ATG10: variants seen among roughly 807,000 people sequenced by gnomAD.
The protein encoded by ATG10 is autophagy related 10.
In ATG10, 30 loss-of-function variants were observed where a neutral mutation model predicts 32.1. The ratio of observed to expected loss-of-function variants is 0.94; its 90% CI spans 0.70 to 1.27. ATG10 has a LOEUF of 1.27. ATG10 is among the 50% of genes most tolerant of loss of function. ATG10 has a pLI of 0.00. For synonymous variants in ATG10, 87 were observed against 91.5 expected (o/e 0.95, Z 0.28); for missense variants, 233 against 262.3 (o/e 0.89, Z 0.77).
At chr5:82,036,833 A>G (rs904421882) in intron 2 of ATG10, among the ~76,000 whole-genome samples, 5 of 151,920 alleles carry the variant, frequency 3.3e-5, no homozygotes, top group African/African-American at 4.8e-5. Context: ...TAATTATTCT[A>G]TTAATTTTTC....
rs577530846 is a variant in ATG10 at position 82,084,257 on chromosome 5, T to G, written c.216+25655T>G. Among the ~76,000 whole-genome samples, 175 of 152,196 alleles carry G rather than the reference T, an allele frequency of 1.1e-3. 2 individuals carry two copies. Among genetic ancestry groups the G allele is most frequent in the Admixed American group, 2.3e-3 (35 of 15,278 alleles). ...GTGATTGAAGATCAAATGAATTAAA[T>G]GAAGCAAGAAGAGAAGTTTAGAGTA... On this transcript the variant is annotated intron_variant, in intron 3 of 7. Transcript: ENST00000282185.
intron 3 of ATG10, among the ~76,000 whole-genome samples, chr5:82,089,799 TGAAAA>T (rs1675366729): frequency 1.3e-5 from 2 of 151,528 alleles, no homozygotes; most frequent in Admixed American, 6.6e-5. Context: ...ATTAAAAGGA[TGAAAA>T]GAAAAGCCAC....
At chr5:82,197,720 TTCTATCTA>T (rs10586711) in intron 5 of ATG10, among the ~76,000 whole-genome samples, 14,919 of 143,782 alleles carry the variant, frequency 0.1, 794 homozygotes, top group East Asian at 0.14. Context: ...CTTTCTTTCT[TTCTATCTA>T]TCTATCTATC....
chr5:82,241,586 G>A (rs1237311497), intron 5 of ATG10, among the ~76,000 whole-genome samples: 2 of 151,906 alleles, frequency 1.3e-5, no homozygotes, highest in African/African-American at 4.8e-5. Flanking sequence ...AACATTCCAA[G>A]CCCCCTTCTG....
chr5:82,040,618 A>G (rs1763056314), intron 2 of ATG10, among the ~76,000 whole-genome samples: 1 of 152,238 alleles, frequency 6.6e-6, no homozygotes, highest in African/African-American at 2.4e-5. Flanking sequence ...GACTTAAACA[A>G]TTCCTAAGAA....
At chr5:81,977,068 G>A (rs1760894253) in intron 1 of ATG10, among the ~76,000 whole-genome samples, 1 of 151,984 alleles carries the variant, frequency 6.6e-6, no homozygotes, top group Admixed American at 6.6e-5. Flanking sequence ...GTAGAGGCGG[G>A]ATCTCACCAT....
At chr5:82,187,075 A>C (rs528846347) in intron 5 of ATG10, among the ~76,000 whole-genome samples, 1 of 152,106 alleles carries the variant, frequency 6.6e-6, no homozygotes, top group East Asian at 1.9e-4. Flanking sequence ...CAGGAGGCCG[A>C]GGTGGGAGGA....
chr5:82,148,866 T>A (rs961872298), intron 3 of ATG10, among the ~76,000 whole-genome samples: 3 of 152,146 alleles, frequency 2.0e-5, no homozygotes, highest in African/African-American at 7.2e-5. Flanking sequence ...CTTTTTATAT[T>A]TTTTCTGTGT....
intron 5 of ATG10, among the ~76,000 whole-genome samples, chr5:82,236,909 T>C (rs1746576446): frequency 6.6e-6 from 1 of 152,192 alleles, no homozygotes; most frequent in Non-Finnish European, 1.5e-5. Context: ...CATATTTTTT[T>C]TCTTAACATT....
intron 2 of ATG10, among the ~76,000 whole-genome samples, chr5:82,040,065 A>G (rs1240115338): frequency 6.6e-6 from 1 of 152,180 alleles, no homozygotes; most frequent in Non-Finnish European, 1.5e-5. Flanking sequence ...ATAGCTTCTC[A>G]GGGCTCCAAA....
intron 3 of ATG10, among the ~76,000 whole-genome samples, chr5:82,133,006 T>C (rs1766602893): frequency 6.6e-6 from 1 of 152,178 alleles, no homozygotes; most frequent in African/African-American, 2.4e-5. Flanking sequence ...ATGAGCATTT[T>C]TTCATATATT....
chr5:82,144,630 T>A (rs1767275506), intron 3 of ATG10, among the ~76,000 whole-genome samples: 1 of 151,984 alleles, frequency 6.6e-6, no homozygotes, highest in South Asian at 2.1e-4. Flanking sequence ...AAATATCTTA[T>A]GGTCACTTAT....
At chr5:82,034,554 A>T (rs1207013165) in intron 2 of ATG10, among the ~76,000 whole-genome samples, 1 of 152,158 alleles carries the variant, frequency 6.6e-6, no homozygotes, top group African/African-American at 2.4e-5. Context: ...CCTTCCGGTG[A>T]CTTCCTATTT....
chr5:82,177,601 T>C (rs1329230324), intron 4 of ATG10, among the ~76,000 whole-genome samples: 1 of 152,130 alleles, frequency 6.6e-6, no homozygotes, highest in East Asian at 1.9e-4. Context: ...TAGTGTATGG[T>C]TTGAAATCTT....
chr5:82,138,937 C>A (rs993002160), intron 3 of ATG10, among the ~76,000 whole-genome samples: 1 of 145,572 alleles, frequency 6.9e-6, no homozygotes, highest in Non-Finnish European at 1.5e-5. Context: ...CATCTCGGCT[C>A]ACTGCAACCT....
chr5:82,133,710 T>C lies in ATG10; in HGVS notation c.217-30689T>C, dbSNP rs944739421. On this transcript the variant is annotated intron_variant, in intron 3 of 7. Transcript: ENST00000282185. ...AGGATTGTCTTGGCTATGAGGGCTC[T>C]TTTTTTGGTTCCATATGAAATTTAA... is the stretch of plus-strand genomic sequence containing the variant. Among the ~76,000 whole-genome samples, 7 of 152,208 alleles carry C rather than the reference T, an allele frequency of 4.6e-5. 1 individual carries two copies. The highest frequency in any genetic ancestry group is 4.1e-4 in the South Asian group (2 of 4,824).
intron 3 of ATG10, among the ~76,000 whole-genome samples, chr5:82,083,578 C>T (rs1031689456): frequency 6.6e-6 from 1 of 152,308 alleles, no homozygotes; most frequent in South Asian, 2.1e-4. Context: ...GGAGACACCT[C>T]CCAGTAGGGG....
intron 1 of ATG10, 70 bp from the exon 2 acceptor site, chr5:81,987,489 A>T (rs1010770820): frequency 3.1e-5 from 37 of 1,191,740 alleles, no homozygotes; most frequent in Non-Finnish European, 3.8e-5. Context: ...TGACAGAAAT[A>T]AATCAATTGG....
intron 2 of ATG10, among the ~76,000 whole-genome samples, chr5:82,045,941 A>G (rs562710595): frequency 6.6e-6 from 1 of 152,264 alleles, no homozygotes; most frequent in South Asian, 2.1e-4. Context: ...ATGGATAAAA[A>G]GCAGTGATTG....
Sources: allele counts gnomAD v4.1 joint callset (sites outside exome capture counted in the v4.1 genomes callset), GRCh38; gene constraint gnomAD v4.1.1; transcripts MANE v1.5; gene names NCBI Gene and HGNC (gene_info 2026-07-23, HGNC 2026-07-21).